Variants in SLTM observed in about 807,000 individuals in gnomAD.
The protein encoded by SLTM is SAFB like transcription modulator, also known as SAFB-like transcription modulator.
A neutral mutation model predicts 134.6 loss-of-function variants in SLTM; 43 were observed. The ratio of observed to expected loss-of-function variants is 0.32; its 90% confidence interval spans 0.25 to 0.41. The LOEUF is 0.41. SLTM is among the 10% of genes least tolerant of loss of function. The probability of loss-of-function intolerance (pLI) is 1.00; values close to 1 mark genes in which losing one functional copy is unlikely to be tolerated. For missense variants in SLTM, 1,055 were observed against 1,288.8 expected, an observed-to-expected ratio of 0.82 and a Z score of 2.78; for synonymous variants, 424 against 432.3, an observed-to-expected ratio of 0.98 and a Z score of 0.24.
chr15:58,908,693 C>T (rs1421612143), intron 5 of SLTM, among the ~76,000 whole-genome samples: 1 of 152,028 alleles, frequency 6.6e-6, no homozygotes, highest in Non-Finnish European at 1.5e-5. Flanking sequence ...AAAAGCAATA[C>T]CTAAATACTG....
At chr15:58,922,587 AATAT>A (rs1308814556) in intron 2 of SLTM, among the ~76,000 whole-genome samples, 10 of 145,780 alleles carry the variant, frequency 6.9e-5, no homozygotes, top group South Asian at 4.2e-4. Context: ...ATACGTATAA[AATAT>A]ATATTATATA....
chr15:58,905,740 A>T (rs1388376770), intron 5 of SLTM, among the ~76,000 whole-genome samples: 2 of 152,080 alleles, frequency 1.3e-5, no homozygotes, highest in East Asian at 3.9e-4. Context: ...AAATACTATG[A>T]TGTAAAAAAA....
chr15:58,917,890 C>T (rs1258394744), intron 2 of SLTM, among the ~76,000 whole-genome samples: 1 of 152,050 alleles, frequency 6.6e-6, no homozygotes, highest in Non-Finnish European at 1.5e-5. Flanking sequence ...GCTGGAATTA[C>T]AGGCACGAGG....
chr15:58,899,020 C>T lies in SLTM; in HGVS notation c.1059-168G>A. ...ACAAATGACTCCCTGAGGATTCTTG[C>T]ACTGATTTTCCCCAAGATGCCTGAA... is the stretch of plus-strand genomic sequence containing the variant. On this transcript the variant is annotated intron_variant, in intron 7 of 20. Transcript: ENST00000380516. This position sits in a 1 kb window ranked among gnomAD's most constrained non-coding sequence, Gnocchi z 5.0. The T allele has an allele frequency of 1.9e-6, 1 of 535,596 alleles. No individual in the cohort carries two copies. The allele number at this position is 535,596 out of a possible 1,614,324, so 33.2% of individuals were successfully genotyped here.
rs61197202 is a variant in SLTM at position 58,925,073 on chromosome 15, T to TAAA, written c.250+7280_250+7282dup. Among the ~76,000 whole-genome samples the TAAA allele has an allele frequency of 1.1e-3, 138 of 124,938 alleles. 1 individual carries two copies. Among genetic ancestry groups the TAAA allele is most frequent in the East Asian group, 3.2e-3 (13 of 4,124 alleles). The allele number at this position is 124,938 out of a possible 152,430, so 82.0% of individuals were successfully genotyped here. ...ATTCACAAGAGCTACGATAAAATGT[T>TAAA]AAAAAAAAAAAAAAAAAAAGCTTAG... On this transcript the variant is annotated intron_variant, in intron 2 of 20. Coordinates refer to ENST00000380516, the MANE Select transcript of SLTM (RefSeq NM_024755.4).
chr15:58,885,520 C>T (rs1283462802), intron 19 of SLTM, among the ~76,000 whole-genome samples: 3 of 152,020 alleles, frequency 2.0e-5, no homozygotes, highest in Admixed American at 1.3e-4. Flanking sequence ...AGGAGGTGGG[C>T]GTCATGGTTC....
chr15:58,889,515 C>G lies in SLTM; in HGVS notation c.2119G>C (p.Glu707Gln), dbSNP rs1198780246. ...TGCTGTTGTTGCCTTCTGAGTTCCT[C>G]TCTTTCTCGAGCAATCCGTTCAGCT... ...KEAERIAREREELRRQQQQLR... is the reference protein window; with the variant it reads ...KEAERIARERQELRRQQQQLR... Residue 707 changes from glutamate (E) to glutamine (Q), a missense_variant, in exon 16 of 21, where the codon GAG becomes CAG. Glu to Gln is a conservative substitution (Grantham distance 29). Coordinates refer to ENST00000380516, the MANE Select transcript of SLTM (RefSeq NM_024755.4). 6.2e-7 allele frequency: 1 copy of G among 1,614,102 alleles called. No homozygotes were observed. Among genetic ancestry groups the G allele is most frequent in the Non-Finnish European group, 8.5e-7 (1 of 1,179,944 alleles).
chr15:58,905,978 G>A (rs2141071837), intron 5 of SLTM, among the ~76,000 whole-genome samples: 1 of 152,302 alleles, frequency 6.6e-6, no homozygotes, highest in South Asian at 2.1e-4. Flanking sequence ...TGATTACAAT[G>A]TGGTTGGAGC....
chr15:58,894,134 T>G lies in SLTM; in HGVS notation c.1437A>C (p.Ser479=), dbSNP rs1260306716. The G allele has an allele frequency of 3.1e-6, 5 of 1,612,082 alleles. No homozygotes were observed. Among genetic ancestry groups the G allele is most frequent in the Non-Finnish European group, 4.2e-6 (5 of 1,179,108 alleles). ...TATTTTTTTTATCTCCAGAACTTCT[T>G]GAACTACTCTTTTCATCATTTTCTT... The part of the protein sequence containing the change: ...MKKENDEKSS[S]RSSGDKKNTS... Residue 479 remains serine (S), a synonymous_variant, in exon 11 of 21, where the codon TCA becomes TCC. Transcript: ENST00000380516.
In SLTM at chr15:58,880,240, C is replaced by A. The variant is rs1250997654; in HGVS notation, c.2997-133G>T. The A allele has an allele frequency of 2.6e-6, 3 of 1,167,004 alleles. No individual in the cohort carries two copies. The Admixed American group carries it at 9.6e-5, about 37-fold the overall frequency. 72.3% of individuals were successfully genotyped at this position (1,167,004 alleles called of 1,614,324 possible). On this transcript the variant is annotated intron_variant, in intron 20 of 20. Coordinates refer to ENST00000380516, the MANE Select transcript of SLTM (RefSeq NM_024755.4). ...TTTCAACAGTCCCGTGAGGTCTGAA[C>A]CATTGCTAACCCCACTTTACTGAAG...
chr15:58,888,646 C>T (rs1188451844), intron 16 of SLTM, 91 bp from the exon 17 acceptor site: 13 of 1,266,414 alleles, frequency 1.0e-5, no homozygotes, highest in East Asian at 4.8e-5. Context: ...CATGTTAGAA[C>T]TGTGGACATA....
intron 1 of SLTM, 59 bp from the exon 2 acceptor site, chr15:58,932,502 AC>A: frequency 1.5e-6 from 2 of 1,341,004 alleles, no homozygotes; most frequent in African/African-American, 2.9e-5. Flanking sequence ...TTTTATAAAA[AC>A]GAAATGAAAA....
Position 58,888,508 on chromosome 15 carries a change from G to GT in SLTM, c.2251dup (p.Thr751AsnfsTer19). ...GGATCCATGGCCAAATCGTGCATCT[G>GT]TATCTAGAGACAACTTTTTATTCTC... is the stretch of plus-strand genomic sequence containing the variant. On this transcript the variant is annotated frameshift_variant, in exon 17 of 21. Transcript: ENST00000380516. LOFTEE classifies it high-confidence loss of function. 1 of 1,614,014 alleles carries GT rather than the reference G, an allele frequency of 6.2e-7. No homozygotes were observed. Among genetic ancestry groups the GT allele is most frequent in the Non-Finnish European group, 8.5e-7 (1 of 1,180,006 alleles).
chr15:58,920,667 A>AATAAATAAAAT, intron 2 of SLTM, among the ~76,000 whole-genome samples: 1 of 149,212 alleles, frequency 6.7e-6, no homozygotes, highest in African/African-American at 2.5e-5. Context: ...ATAAATAAAA[A>AATAAATAAAAT]TTTTTTGGCT....
At position 58,899,636 on chromosome 15, in the gene SLTM, A is replaced by G. The variant is rs756346261; in HGVS notation, c.891T>C (p.Tyr297=). The G allele has an allele frequency of 3.1e-6, 5 of 1,614,006 alleles. No individual in the cohort carries two copies. The highest frequency in any genetic ancestry group is 2.2e-5 in the South Asian group (2 of 91,086). ...AQSPEKESKD[Y]EMNANHKDGK... ...CATCTTTATGGTTCGCATTCATCTCATAATCCTTGCTTTCCTTCTCCGGGC... is the reference window on the plus strand; with the variant it reads ...CATCTTTATGGTTCGCATTCATCTCGTAATCCTTGCTTTCCTTCTCCGGGC... The change falls in exon 7 of 21, where the codon TAT becomes TAC. Residue 297 remains tyrosine (Y), a synonymous_variant. Coordinates refer to ENST00000380516, the MANE Select transcript of SLTM (RefSeq NM_024755.4). This position sits in a 1 kb window ranked among gnomAD's most constrained non-coding sequence, Gnocchi z 5.0.
chr15:58,908,504 C>T (rs567844410), intron 5 of SLTM, among the ~76,000 whole-genome samples: 1 of 152,084 alleles, frequency 6.6e-6, no homozygotes, highest in Non-Finnish European at 1.5e-5. Context: ...GTAGCTGGGA[C>T]TACAGGCACA....
At chr15:58,912,490 A>G in intron 5 of SLTM, 73 bp downstream of exon 5, 16 of 1,183,596 alleles carry the variant, frequency 1.4e-5, no homozygotes, top group Non-Finnish European at 1.9e-5. Context: ...AGAATTATGA[A>G]GTCAAAATAA....
At chr15:58,930,040 C>T (rs370386115) in intron 2 of SLTM, among the ~76,000 whole-genome samples, 3 of 151,978 alleles carry the variant, frequency 2.0e-5, no homozygotes, top group African/African-American at 4.8e-5. Context: ...CAATGATAGC[C>T]GGATTTCAAG....
At chr15:58,908,002 CGTGTGT>C (rs140029214) in intron 5 of SLTM, among the ~76,000 whole-genome samples, 159 of 139,942 alleles carry the variant, frequency 1.1e-3, no homozygotes, top group South Asian at 5.4e-3. Flanking sequence ...AAACATGCTG[CGTGTGT>C]GTGTGTGTGT....
Sources: allele counts gnomAD v4.1 joint callset (sites outside exome capture counted in the v4.1 genomes callset), GRCh38; gene constraint gnomAD v4.1.1; non-coding constraint Gnocchi (gnomAD v3.1); transcripts MANE v1.5; gene names NCBI Gene and HGNC (gene_info 2026-07-23, HGNC 2026-07-21).